The following ZNF57 variants were observed in gnomAD, a reference collection of about 807,000 sequenced individuals.
ZNF57 encodes zinc finger protein 57.
ZNF57 carries 11 observed loss-of-function variants against 13.4 expected under a neutral mutation model. The observed-to-expected ratio is 0.82, with a 90% CI of 0.52 to 1.36. The LOEUF is 1.36. Among genes scored for constraint, ZNF57 ranks in the 40% most tolerant of loss-of-function variants. ZNF57 has a pLI of 0.00. For missense variants in ZNF57, 696 were observed against 667.5 expected, an observed-to-expected ratio of 1.04 and a Z score of -0.47; for synonymous variants, 224 against 238.5, an observed-to-expected ratio of 0.94 and a Z score of 0.56.
chr19:2,904,422 G>A (rs1463142355), intron 1 of ZNF57, among the ~76,000 whole-genome samples: 1 of 152,108 alleles, frequency 6.6e-6, no homozygotes, highest in Non-Finnish European at 1.5e-5. Flanking sequence ...GCTCACTGCA[G>A]TCTCAAACTC....
At chr19:2,902,251 G>A (rs1455599103) in intron 1 of ZNF57, among the ~76,000 whole-genome samples, 7 of 151,426 alleles carry the variant, frequency 4.6e-5, no homozygotes, top group Non-Finnish European at 8.8e-5. Flanking sequence ...TGCCCTGGGG[G>A]TTTTGTTGCA....
intron 1 of ZNF57, among the ~76,000 whole-genome samples, chr19:2,913,829 C>T (rs1000073561): frequency 1.3e-5 from 2 of 152,134 alleles, no homozygotes; most frequent in Non-Finnish European, 1.5e-5. Context: ...TTAGTAGAGA[C>T]AGGGTCTCAC....
chr19:2,900,948 G>T lies in ZNF57; in HGVS notation c.-98G>T. 2 of 1,496,516 alleles carry T rather than the reference G, an allele frequency of 1.3e-6. No homozygotes were observed. Among genetic ancestry groups the T allele is most frequent in the Non-Finnish European group, 1.8e-6 (2 of 1,106,588 alleles). The allele number at this position is 1,496,516 out of a possible 1,614,324, so 92.7% of individuals were successfully genotyped here. A position where few individuals can be genotyped will look rare whatever the true frequency, so the allele number is the denominator to read the frequency against. On this transcript the variant is annotated 5_prime_UTR_variant, in exon 1 of 4. Coordinates refer to ENST00000306908, the MANE Select transcript of ZNF57 (RefSeq NM_173480.3). Reference sequence around the variant, plus strand: ...TCGTCCTCCCTGCCGCGCGTGCCCTGCCTACCACGAGCGGCCCGGGAGTAC... The same window carrying T: ...TCGTCCTCCCTGCCGCGCGTGCCCTTCCTACCACGAGCGGCCCGGGAGTAC...
chr19:2,913,627 TCATTC>T (rs550690687), intron 1 of ZNF57, among the ~76,000 whole-genome samples: 3 of 152,344 alleles, frequency 2.0e-5, no homozygotes, highest in African/African-American at 7.2e-5. Flanking sequence ...ATTTCATTTC[TCATTC>T]CATTGTGGTC....
At chr19:2,913,984 C>G (rs1428996503) in intron 1 of ZNF57, among the ~76,000 whole-genome samples, 1 of 152,100 alleles carries the variant, frequency 6.6e-6, no homozygotes. Flanking sequence ...GAGGTTTCTT[C>G]TATGGCCTAG....
chr19:2,907,805 T>C (rs1163672846), intron 1 of ZNF57, among the ~76,000 whole-genome samples: 2 of 152,200 alleles, frequency 1.3e-5, no homozygotes, highest in Admixed American at 1.3e-4. Flanking sequence ...CCTCCTGGGC[T>C]CAAGTGATCC....
chr19:2,905,405 T>TGGCCCCCCCCCCCC (rs2088063924), intron 1 of ZNF57, among the ~76,000 whole-genome samples: 2 of 47,508 alleles, frequency 4.2e-5, no homozygotes, highest in African/African-American at 1.8e-4. Flanking sequence ...CTTCAGGTGA[T>TGGCCCCCCCCCCCC]CGCCCCCCCC....
chr19:2,908,982 T>C (rs889769733), intron 1 of ZNF57, among the ~76,000 whole-genome samples: 1 of 152,166 alleles, frequency 6.6e-6, no homozygotes, highest in Non-Finnish European at 1.5e-5. Context: ...TTCTGACGGC[T>C]TCTCTCACTG....
In ZNF57 at chr19:2,917,747, T is replaced by G. The variant is rs1244833484; in HGVS notation, c.1126T>G (p.Ser376Ala). ...ACAATGTGGGAAAGCCTTCACTTGG[T>G]CCTCAACGTTTAGAGAACATGTGAG... ...CKQCGKAFTW[S>A]STFREHVRIH... The change falls in exon 4 of 4, where the codon TCC becomes GCC. Residue 376 changes from serine (S) to alanine (A), a missense_variant. Physicochemically the swap from Ser to Ala is moderately conservative, Grantham distance 99 (BLOSUM62 1). Transcript: ENST00000306908. 2 of 1,613,440 alleles carry G rather than the reference T, an allele frequency of 1.2e-6. No individual in the cohort carries two copies. Among genetic ancestry groups the G allele is most frequent in the East Asian group, 4.5e-5 (2 of 44,826 alleles).
At position 2,916,130 on chromosome 19, in the gene ZNF57, C is replaced by A; in HGVS notation, c.183C>A (p.Tyr61Ter). The part of the protein sequence containing the change: ...ANGSVSLQDM[Y>*]GQEKSKEQTI... The stretch of plus-strand genomic sequence containing the variant: ...GGTCAGTTTCTCTGCAGGATATGTA[C>A]GGGCAAGAAAAATCTAAGGAACAGA... Residue 61 changes from tyrosine to a stop codon, truncating the protein, a stop_gained, in exon 3 of 4, where the codon TAC becomes TAA. Coordinates refer to ENST00000306908, the MANE Select transcript of ZNF57 (RefSeq NM_173480.3). LOFTEE classifies it high-confidence loss of function. 1 of 1,613,622 alleles carries A rather than the reference C, an allele frequency of 6.2e-7. No individual in the cohort carries two copies. Among genetic ancestry groups the A allele is most frequent in the Non-Finnish European group, 8.5e-7 (1 of 1,179,906 alleles).
chr19:2,915,412 A>T, intron 1 of ZNF57, 110 bp from the exon 2 acceptor site: 1 of 1,397,858 alleles, frequency 7.2e-7, no homozygotes, highest in Non-Finnish European at 9.8e-7. Context: ...CGCGTCATAG[A>T]GGAGGTGTTG....
intron 1 of ZNF57, among the ~76,000 whole-genome samples, chr19:2,904,209 A>AG (rs1447354089): frequency 1.8e-4 from 27 of 152,342 alleles, no homozygotes; most frequent in Admixed American, 4.6e-4. Flanking sequence ...CGTGAATAGC[A>AG]GCTCAAAAGG....
chr19:2,911,835 T>C (rs1170324941), intron 1 of ZNF57, among the ~76,000 whole-genome samples: 4 of 152,248 alleles, frequency 2.6e-5, no homozygotes, highest in Non-Finnish European at 5.9e-5. Context: ...TTTCCACTTC[T>C]CAGCCTGTAT....
At chr19:2,909,275 A>ATTTTTTTTTTT (rs1258331033) in intron 1 of ZNF57, among the ~76,000 whole-genome samples, 2 of 103,794 alleles carry the variant, frequency 1.9e-5, no homozygotes, top group Non-Finnish European at 4.1e-5. Context: ...TATTTTATTT[A>ATTTTTTTTTTT]TTTTTGTTTT....
chr19:2,916,697 CAG>C (rs1439674817), intron 3 of ZNF57: 4 of 343,806 alleles, frequency 1.2e-5, no homozygotes, highest in African/African-American at 2.1e-5. Context: ...GCCTGGGTGA[CAG>C]AGTGAGACTC....
chr19:2,915,309 G>A, intron 1 of ZNF57: 1 of 522,768 alleles, frequency 1.9e-6, no homozygotes, highest in South Asian at 2.6e-5. Flanking sequence ...AATAAGAGCA[G>A]TCGCAGTAAA....
In ZNF57 at chr19:2,911,253, G is replaced by A. The variant is rs147112185; in HGVS notation, c.4-4269G>A. Among the ~76,000 whole-genome samples the A allele has an allele frequency of 5.2e-3, 795 of 151,996 alleles. 9 individuals carry two copies. Among genetic ancestry groups the A allele is most frequent in the African/African-American group, 0.018 (736 of 41,464 alleles). Reference sequence around the variant, plus strand: ...TTATTTTTAAAAACTTTTTGTGGCCGGGCACGGTGGCTCATGCCTGTAATC... The same window carrying A: ...TTATTTTTAAAAACTTTTTGTGGCCAGGCACGGTGGCTCATGCCTGTAATC... On this transcript the variant is annotated intron_variant, in intron 1 of 3. Transcript: ENST00000306908.
At position 2,918,063 on chromosome 19, in the gene ZNF57, G is replaced by A. The variant is rs370970149; in HGVS notation, c.1442G>A (p.Cys481Tyr). The A allele has an allele frequency of 9.9e-6, 16 of 1,614,062 alleles. No homozygotes were observed. The highest frequency in any genetic ancestry group is 2.2e-5 in the East Asian group (1 of 44,898). ...GAGAAGCCTTATGAGTGTAAACAAT[G>A]TGGAAAAACCTTCACTTGGTCCTCA... is the stretch of plus-strand genomic sequence containing the variant. ...TGEKPYECKQ[C>Y]GKTFTWSSTL... The change falls in exon 4 of 4, where the codon TGT (cysteine) becomes TAT (tyrosine). Residue 481 changes from cysteine (C) to tyrosine (Y), a missense_variant. By Grantham distance (194) the Cys-to-Tyr change is radical. This residue lies in a region of ZNF57 where 645 missense variants were observed against 591.5 expected (regional missense o/e 1.09). Transcript: ENST00000306908.
intron 1 of ZNF57, among the ~76,000 whole-genome samples, chr19:2,908,621 T>C (rs534223288): frequency 3.3e-5 from 5 of 152,110 alleles, no homozygotes; most frequent in African/African-American, 1.2e-4. Context: ...GCTAGGATGA[T>C]CTCGACCTCC....
Sources: allele counts gnomAD v4.1 joint callset (sites outside exome capture counted in the v4.1 genomes callset), GRCh38; gene constraint gnomAD v4.1.1; regional missense constraint gnomAD v4.1.1; transcripts MANE v1.5; gene names NCBI Gene and HGNC (gene_info 2026-07-23, HGNC 2026-07-21).